Variants in PTPRD observed in about 807,000 individuals in gnomAD.
PTPRD encodes the protein protein tyrosine phosphatase receptor type D, also known as receptor-type tyrosine-protein phosphatase delta.
Under a neutral mutation model 214.5 loss-of-function variants are expected in PTPRD, and 34 were observed. That is an observed-to-expected ratio of 0.16 (90% confidence interval 0.12 to 0.21). The LOEUF is 0.21. Ranked by LOEUF, PTPRD falls within the 10% of genes least tolerant of loss-of-function variation. The probability of loss-of-function intolerance (pLI) is 1.00; values close to 1 mark genes in which losing one functional copy is unlikely to be tolerated. For synonymous variants in PTPRD, 1,128 were observed against 845.7 expected, an observed-to-expected ratio of 1.33 and a Z score of -5.79; for missense variants, 2,545 against 2,398.7, an observed-to-expected ratio of 1.06 and a Z score of -1.27.
chr9:10,156,797 C>T (rs189492274), intron 3 of PTPRD, among the ~76,000 whole-genome samples: 3 of 152,238 alleles, frequency 2.0e-5, no homozygotes, highest in Non-Finnish European at 4.4e-5. Flanking sequence ...TAAGAACTTG[C>T]TTTATGAATC....
intron 7 of PTPRD, among the ~76,000 whole-genome samples, chr9:9,597,134 T>C (rs2093412974): frequency 6.6e-6 from 1 of 151,826 alleles, no homozygotes; most frequent in African/African-American, 2.4e-5. Flanking sequence ...ATCTTCCTGC[T>C]CTCCAACACT....
At chr9:9,669,393 G>A (rs1268634001) in intron 7 of PTPRD, among the ~76,000 whole-genome samples, 1 of 152,114 alleles carries the variant, frequency 6.6e-6, no homozygotes, top group Non-Finnish European at 1.5e-5. Flanking sequence ...CTATCACTAG[G>A]AAATTGATAT....
chr9:9,719,679 G>A (rs969459272), intron 7 of PTPRD, among the ~76,000 whole-genome samples: 3 of 152,166 alleles, frequency 2.0e-5, no homozygotes, highest in Non-Finnish European at 2.9e-5. Flanking sequence ...GGCGGTGAGG[G>A]GAGAAGGGCT....
At chr9:9,548,387 G>T (rs1199430538) in intron 8 of PTPRD, among the ~76,000 whole-genome samples, 2 of 149,270 alleles carry the variant, frequency 1.3e-5, no homozygotes, top group African/African-American at 4.9e-5. Context: ...TACTTGCTAC[G>T]TATATGTGAC....
chr9:10,316,429 G>A (rs912408664), intron 3 of PTPRD, among the ~76,000 whole-genome samples: 1 of 151,654 alleles, frequency 6.6e-6, no homozygotes, highest in Non-Finnish European at 1.5e-5. Flanking sequence ...ACTCAGAATA[G>A]TCCTTGCATG....
rs1334290420 is a variant in PTPRD, at chr9:8,964,190, G to GTTTTTTTTTTTTTTTT, written c.-104+54506_-104+54507insAAAAAAAAAAAAAAAA. The stretch of plus-strand genomic sequence containing the variant: ...CTGTGAATCTATCTAGTTCAGGGCT[G>GTTTTTTTTTTTTTTTT]TGTTTTTTTTTTTTTTTTTTTTTTT... On this transcript the variant is annotated intron_variant, in intron 11 of 45. Transcript: ENST00000381196. Among the ~76,000 whole-genome samples the GTTTTTTTTTTTTTTTT allele has an allele frequency of 9.4e-4, 50 of 52,934 alleles. 12 individuals carry two copies. The highest frequency in any genetic ancestry group is 1.1e-3 in the African/African-American group (16 of 14,054). 34.7% of individuals were successfully genotyped at this position (52,934 alleles called of 152,430 possible). A position where few individuals can be genotyped will look rare whatever the true frequency, so the allele number is the denominator to read the frequency against.
Position 10,521,008 on chromosome 9 carries a change from A to T in PTPRD, c.-600+91390T>A, listed in dbSNP as rs938306423. ...ATGTAGCCTATGGATCAAGGAGTAA[A>T]TTTTTACTTTCAAGTCATTATTTTA... On this transcript the variant is annotated intron_variant, in intron 2 of 45. Transcript: ENST00000381196. 5.9e-5 allele frequency among the ~76,000 whole-genome samples: 9 copies of T among 151,628 alleles called. No homozygotes were observed. The Admixed American group carries it at 5.9e-4, about 10-fold the overall frequency.
rs192436737 is a variant in PTPRD, at chr9:9,705,539, C to G, written c.-287+28994G>C. 4.1e-4 allele frequency among the ~76,000 whole-genome samples: 63 copies of G among 152,048 alleles called. 1 individual carries two copies. The highest frequency in any genetic ancestry group is 1.4e-3 in the African/African-American group (59 of 41,428). On this transcript the variant is annotated intron_variant, in intron 7 of 45. Coordinates refer to ENST00000381196, the MANE Select transcript of PTPRD (RefSeq NM_002839.4). ...CTATCTAAAATAGAAACTGTACTCT[C>G]AAGCACTTGAGGTCTTTGCTCTCCA...
chr9:10,569,750 A>C (rs1476545886), intron 2 of PTPRD, among the ~76,000 whole-genome samples: 1 of 152,118 alleles, frequency 6.6e-6, no homozygotes, highest in Non-Finnish European at 1.5e-5. Flanking sequence ...TTATTCAATC[A>C]TGTGACCACA....
intron 2 of PTPRD, among the ~76,000 whole-genome samples, chr9:10,534,843 A>C (rs1196383129): frequency 6.6e-6 from 1 of 152,196 alleles, no homozygotes; most frequent in Non-Finnish European, 1.5e-5. Flanking sequence ...CAGTTGACAC[A>C]AGTTTTCTGA....
chr9:8,933,340 G>GTTTTTTTTTTTTTT (rs71317383), intron 11 of PTPRD, among the ~76,000 whole-genome samples: 1,834 of 80,008 alleles, frequency 0.023, 265 homozygotes, highest in East Asian at 0.12. Context: ...CAACCTTGAG[G>GTTTTTTTTTTTTTT]TTTTTTTTTT....
intron 44 of PTPRD, among the ~76,000 whole-genome samples, chr9:8,330,475 A>AACGTCTCTGAG (rs938043316): frequency 6.6e-6 from 1 of 152,154 alleles, no homozygotes; most frequent in African/African-American, 2.4e-5. Flanking sequence ...AAACTCCCAT[A>AACGTCTCTGAG]ACGTCTCTGA....
chr9:10,455,814 C>G (rs914464882), intron 2 of PTPRD, among the ~76,000 whole-genome samples: 1 of 151,702 alleles, frequency 6.6e-6, no homozygotes, highest in African/African-American at 2.4e-5. Flanking sequence ...ACTATTACTC[C>G]TACTGAATGT....
chr9:10,457,937 A>T (rs2098930334), intron 2 of PTPRD, among the ~76,000 whole-genome samples: 1 of 152,050 alleles, frequency 6.6e-6, no homozygotes, highest in Non-Finnish European at 1.5e-5. Context: ...GCTATACACC[A>T]ACAAATTTGA....
chr9:8,738,671 T>C (rs531486931), intron 11 of PTPRD, among the ~76,000 whole-genome samples: 1 of 152,052 alleles, frequency 6.6e-6, no homozygotes, highest in African/African-American at 2.4e-5. Context: ...AATCTATGAG[T>C]TCATAATTTT....
In PTPRD at chr9:9,139,095, C is replaced by T. The variant is rs542006899; in HGVS notation, c.-143+44209G>A. On this transcript the variant is annotated intron_variant, in intron 10 of 45. Coordinates refer to ENST00000381196, the MANE Select transcript of PTPRD (RefSeq NM_002839.4). ...TATTCTTACTAGCTATGCAGGAGCC[C>T]CCCTCCCCCCCGCCCCCACCTTATC... Among the ~76,000 whole-genome samples the T allele has an allele frequency of 2.0e-3, 306 of 151,100 alleles. 1 individual carries two copies. Among genetic ancestry groups the T allele is most frequent in the Middle Eastern group, 6.9e-3 (2 of 290 alleles).
At chr9:8,574,135 G>A (rs1233748691) in intron 14 of PTPRD, among the ~76,000 whole-genome samples, 2 of 151,842 alleles carry the variant, frequency 1.3e-5, no homozygotes, top group Non-Finnish European at 2.9e-5. Context: ...AACATGCTAT[G>A]CCATTCACAA....
At chr9:8,974,596 G>A (rs1263688205) in intron 11 of PTPRD, among the ~76,000 whole-genome samples, 1 of 151,868 alleles carries the variant, frequency 6.6e-6, no homozygotes, top group Non-Finnish European at 1.5e-5. Context: ...GTAGAGGAAT[G>A]GCCATTTCCC....
At chr9:9,169,507 A>G (rs2099910465) in intron 10 of PTPRD, among the ~76,000 whole-genome samples, 1 of 152,174 alleles carries the variant, frequency 6.6e-6, no homozygotes, top group African/African-American at 2.4e-5. Flanking sequence ...TAAATTTTCC[A>G]ATTAAAAAAT....
Sources: allele counts gnomAD v4.1 joint callset (sites outside exome capture counted in the v4.1 genomes callset), GRCh38; gene constraint gnomAD v4.1.1; transcripts MANE v1.5; gene names NCBI Gene and HGNC (gene_info 2026-07-23, HGNC 2026-07-21).